The following SLCO4A1 variants were observed in gnomAD, a reference collection of about 807,000 sequenced individuals.
SLCO4A1 encodes the protein colon organic anion transporter.
SLCO4A1 carries 51 observed loss-of-function variants against 64.6 expected under a neutral mutation model. That is an observed-to-expected ratio of 0.79 (90% CI 0.63 to 1.00). The LOEUF (loss-of-function observed/expected upper bound fraction) is 1.00, where lower values mean the gene tolerates loss of function less well. SLCO4A1 is among the 50% of genes least tolerant of loss of function. The pLI is 0.00. For synonymous variants in SLCO4A1, 471 were observed against 444.9 expected, an observed-to-expected ratio of 1.06 and a Z score of -0.74; for missense variants, 919 against 980.5, an observed-to-expected ratio of 0.94 and a Z score of 0.84.
chr20:62,673,710 C>G (rs1987442215), downstream of SLCO4A1, among the ~76,000 whole-genome samples: 3 of 147,640 alleles, frequency 2.0e-5, no homozygotes, highest in African/African-American at 4.9e-5. Context: ...ACCGGATGCT[C>G]AGCCCTGGCC....
At chr20:62,646,563 CTGA>C (rs113632226) in intron 1 of SLCO4A1, among the ~76,000 whole-genome samples, 104 of 152,384 alleles carry the variant, frequency 6.8e-4, no homozygotes, top group African/African-American at 2.4e-3. Flanking sequence ...TGGAAGGAGG[CTGA>C]GGAGGCCAGG....
intron 5 of SLCO4A1, among the ~76,000 whole-genome samples, chr20:62,662,394 T>TCAGG (rs978386681): frequency 6.6e-6 from 1 of 152,058 alleles, no homozygotes; most frequent in African/African-American, 2.4e-5. Flanking sequence ...GAGCTGAGGG[T>TCAGG]CAGGCGCCCT....
intron 2 of SLCO4A1, among the ~76,000 whole-genome samples, chr20:62,657,492 G>C (rs1360986404): frequency 6.6e-6 from 1 of 152,248 alleles, no homozygotes; most frequent in Non-Finnish European, 1.5e-5. Flanking sequence ...CTGTGCCCGG[G>C]AGCCTCAGTG....
chr20:62,659,179 A>T (rs1984320074), intron 3 of SLCO4A1, among the ~76,000 whole-genome samples: 1 of 152,214 alleles, frequency 6.6e-6, no homozygotes, highest in Admixed American at 6.5e-5. Flanking sequence ...AGGGAAAGAC[A>T]CGTAGAGACA....
chr20:62,669,606 A>G (rs1053937543), intron 11 of SLCO4A1, among the ~76,000 whole-genome samples: 1 of 152,300 alleles, frequency 6.6e-6, no homozygotes, highest in South Asian at 2.1e-4. Flanking sequence ...GGCGTATGCT[A>G]CCTGGGAGGA....
intron 6 of SLCO4A1, 169 bp downstream of exon 6, chr20:62,665,257 G>A: frequency 2.9e-6 from 2 of 678,804 alleles, no homozygotes; most frequent in Non-Finnish European, 2.4e-6. Flanking sequence ...GAGCGACTCT[G>A]TCCACAGGCC....
At chr20:62,642,808 G>A (rs1226763496) in intron 1 of SLCO4A1, among the ~76,000 whole-genome samples, 1 of 152,182 alleles carries the variant, frequency 6.6e-6, no homozygotes, top group African/African-American at 2.4e-5. Context: ...TCGCCCGCAG[G>A]AGGACCGAGG....
At chr20:62,665,115 T>C in intron 6 of SLCO4A1, 27 bp downstream of exon 6, 1 of 1,589,842 alleles carries the variant, frequency 6.3e-7, no homozygotes, top group Non-Finnish European at 8.6e-7. Flanking sequence ...TTGGGGGTCC[T>C]CTGCTTTTAT....
chr20:62,660,744 TCC>T (rs1359523284), intron 4 of SLCO4A1, among the ~76,000 whole-genome samples: 1 of 152,196 alleles, frequency 6.6e-6, no homozygotes, highest in African/African-American at 2.4e-5. Context: ...TCCTGTGGCC[TCC>T]CCTCTGCCCC....
At position 62,664,783 on chromosome 20, in the gene SLCO4A1, C is replaced by T. The variant is rs1406222048; in HGVS notation, c.1122-151C>T. The T allele has an allele frequency of 4.3e-6, 4 of 923,070 alleles. No individual in the cohort carries two copies. The Admixed American group carries it at 1.0e-4, about 24-fold the overall frequency. The allele number at this position is 923,070 out of a possible 1,614,324, so 57.2% of individuals were successfully genotyped here. On this transcript the variant is annotated intron_variant, in intron 5 of 11. Coordinates refer to ENST00000217159, the MANE Select transcript of SLCO4A1 (RefSeq NM_016354.4). ...AGCCTCAGGAACAGCAGGTTCCTCC[C>T]ACCCTGGGTCTGGCCCACTCTGACC...
At chr20:62,660,940 G>C in intron 4 of SLCO4A1, 124 bp from the exon 5 acceptor site, 1 of 680,140 alleles carries the variant, frequency 1.5e-6, no homozygotes, top group East Asian at 2.7e-5. Context: ...GGGCTGCAGG[G>C]ATGTCAGACA....
At chr20:62,682,065 A>C (rs1987858737) in intron 2 of SLCO4A1, among the ~76,000 whole-genome samples, 1 of 152,220 alleles carries the variant, frequency 6.6e-6, no homozygotes, top group African/African-American at 2.4e-5. Flanking sequence ...CCCAGATTTC[A>C]GGACCGCATG....
intron 4 of SLCO4A1, among the ~76,000 whole-genome samples, 172 bp from the exon 5 acceptor site, chr20:62,660,892 G>T (rs374141108): frequency 1.3e-5 from 2 of 152,138 alleles, no homozygotes; most frequent in African/African-American, 4.8e-5. Flanking sequence ...GCATTCTCAC[G>T]TGGTTTCTGT....
At chr20:62,664,578 T>C (rs989054940) in intron 5 of SLCO4A1, among the ~76,000 whole-genome samples, 2 of 152,184 alleles carry the variant, frequency 1.3e-5, no homozygotes, top group African/African-American at 4.8e-5. Flanking sequence ...GCCAAGGCAC[T>C]GATAAGGTTT....
At chr20:62,666,121 C>CCCTCTTCCCCTTCCCCTT (rs1986247748) in intron 6 of SLCO4A1, 1 of 37,116 alleles carries the variant, frequency 2.7e-5, no homozygotes, top group Non-Finnish European at 5.4e-5. Flanking sequence ...CCCCCCCGCT[C>CCCTCTTCCCCTTCCCCTT]CCCCTTCCCC....
At chr20:62,654,897 C>G (rs1449239068) in intron 1 of SLCO4A1, among the ~76,000 whole-genome samples, 12 of 152,220 alleles carry the variant, frequency 7.9e-5, no homozygotes, top group African/African-American at 2.7e-4. Context: ...GGCCGGCCCC[C>G]CTCGGAGGCT....
At chr20:62,650,624 G>C (rs1465389193) in intron 1 of SLCO4A1, 1 of 152,322 alleles carries the variant, frequency 6.6e-6, no homozygotes, top group East Asian at 1.9e-4. Context: ...CAGAAGGAAA[G>C]CAACATGTGA....
At chr20:62,652,956 T>C (rs1308538730) in intron 1 of SLCO4A1, among the ~76,000 whole-genome samples, 1 of 152,250 alleles carries the variant, frequency 6.6e-6, no homozygotes, top group East Asian at 1.9e-4. Context: ...GGGGCCAGAC[T>C]GCGGGGGCTG....
chr20:62,646,619 G>A (rs777498326), intron 1 of SLCO4A1, among the ~76,000 whole-genome samples: 14 of 152,258 alleles, frequency 9.2e-5, no homozygotes, highest in Non-Finnish European at 1.2e-4. Flanking sequence ...GCAGGGCTCC[G>A]GGGCCGGACA....
Sources: allele counts gnomAD v4.1 joint callset (sites outside exome capture counted in the v4.1 genomes callset), GRCh38; gene constraint gnomAD v4.1.1; transcripts MANE v1.5; gene names NCBI Gene and HGNC (gene_info 2026-07-23, HGNC 2026-07-21).